A4GALT: variants seen among roughly 807,000 people sequenced by gnomAD.
A4GALT encodes alpha 1,4-galactosyltransferase (P1PK blood group), also known as lactosylceramide 4-alpha-galactosyltransferase.
For synonymous variants in A4GALT, 257 were observed against 220.7 expected (o/e 1.16, Z -1.46); for missense variants, 512 against 486.0 (o/e 1.05, Z -0.50).
intron 1 of A4GALT, among the ~76,000 whole-genome samples, chr22:42,717,528 C>G (rs28992178): frequency 0.054 from 8,184 of 152,158 alleles, 290 homozygotes; most frequent in Middle Eastern, 0.099. Context: ...CCGGGAGGAT[C>G]CTTGGGAGCA....
Position 42,692,165 on chromosome 22 carries a change from A to T in A4GALT, c.*725T>A, listed in dbSNP as rs564670668. Reference sequence around the variant, plus strand: ...TTCTATTGATTATTCTCCTGTGTTTATAATGCGGGCGGCAGGGTGGGGGTT... The same window carrying T: ...TTCTATTGATTATTCTCCTGTGTTTTTAATGCGGGCGGCAGGGTGGGGGTT... On this transcript the variant is annotated 3_prime_UTR_variant, in exon 3 of 3. Transcript: ENST00000642412. This position sits in a 1 kb window ranked among gnomAD's most constrained non-coding sequence, Gnocchi z 4.6. 491 of 174,826 alleles carry T rather than the reference A, an allele frequency of 2.8e-3. 4 individuals are homozygous for T. Among genetic ancestry groups the T allele is most frequent in the African/African-American group, 0.011 (462 of 41,998 alleles). The allele number at this position is 174,826 out of a possible 1,614,324, so 10.8% of individuals were successfully genotyped here.
rs1324727101 is a variant in A4GALT, at chr22:42,705,947, G to A, written c.-187-10316C>T. ...TGTGTGCCTGTCATCCCAGCTACTCGGGAGGCTGAGGCAGGAGAATCGCTT... is the reference window on the plus strand; with the variant it reads ...TGTGTGCCTGTCATCCCAGCTACTCAGGAGGCTGAGGCAGGAGAATCGCTT... On this transcript the variant is annotated intron_variant, in intron 1 of 2. Coordinates refer to ENST00000642412, the MANE Select transcript of A4GALT (RefSeq NM_017436.7). Among the ~76,000 whole-genome samples the A allele has an allele frequency of 1.6e-4, 19 of 120,414 alleles. 6 individuals are homozygous for A. The highest frequency in any genetic ancestry group is 3.1e-4 in the Non-Finnish European group (16 of 51,764). 79.0% of individuals were successfully genotyped at this position (120,414 alleles called of 152,430 possible).
chr22:42,694,082 A>C, intron 2 of A4GALT, 85 bp from the exon 3 acceptor site: 1 of 871,522 alleles, frequency 1.1e-6, no homozygotes, highest in Non-Finnish European at 1.8e-6. Context: ...CATCAGCCAG[A>C]GCCAAGGCTG....
rs778853590 is a variant in A4GALT, at chr22:42,692,940, G to A, written c.1012C>T (p.His338Tyr). Reference sequence around the variant, plus strand: ...TGCGTCGTGGGGCAGTAGCGGGCATGCAGCTGGGCCAGCAGTGCCCTGGAC... The same window carrying A: ...TGCGTCGTGGGGCAGTAGCGGGCATACAGCTGGGCCAGCAGTGCCCTGGAC... ...ATSRALLAQL[H>Y]ARYCPTTHEA... The change falls in exon 3 of 3, where the codon CAT becomes TAT. Residue 338 changes from histidine to tyrosine, a missense_variant. Physicochemically the swap from His to Tyr is moderately conservative, Grantham distance 83 (BLOSUM62 2). Coordinates refer to ENST00000642412, the MANE Select transcript of A4GALT (RefSeq NM_017436.7). The surrounding 1 kb of genome is among the most constrained non-coding windows in gnomAD (Gnocchi z 4.6). 1.8e-5 allele frequency: 29 copies of A among 1,610,722 alleles called. No homozygotes were observed. Among genetic ancestry groups the A allele is most frequent in the Non-Finnish European group, 2.3e-5 (27 of 1,179,946 alleles).
At chr22:42,709,731 AG>A (rs2147022663) in intron 1 of A4GALT, among the ~76,000 whole-genome samples, 1 of 152,292 alleles carries the variant, frequency 6.6e-6, no homozygotes, top group Admixed American at 6.5e-5. Flanking sequence ...GACAGGTTGC[AG>A]TGAGCCAAGA....
intron 1 of A4GALT, among the ~76,000 whole-genome samples, chr22:42,710,349 C>G (rs879558170): frequency 6.6e-6 from 1 of 152,052 alleles, no homozygotes. Flanking sequence ...GAGAAGACCC[C>G]GCTTACAACA....
Position 42,692,381 on chromosome 22 carries a change from C to G in A4GALT, c.*509G>C, listed in dbSNP as rs1930495820. Reference sequence around the variant, plus strand: ...TCTGCCCCACTCAGTCCCTGTTGACCTCCCCCACCCCCCGCGAAAGAGGAA... The same window carrying G: ...TCTGCCCCACTCAGTCCCTGTTGACGTCCCCCACCCCCCGCGAAAGAGGAA... On this transcript the variant is annotated 3_prime_UTR_variant, in exon 3 of 3. Coordinates refer to ENST00000642412, the MANE Select transcript of A4GALT (RefSeq NM_017436.7). This position sits in a 1 kb window ranked among gnomAD's most constrained non-coding sequence, Gnocchi z 4.6. The G allele has an allele frequency of 3.1e-6, 1 of 324,490 alleles. No individual in the cohort carries two copies. The highest frequency in any genetic ancestry group is 8.1e-5 in the East Asian group (1 of 12,364). 20.1% of individuals were successfully genotyped at this position (324,490 alleles called of 1,614,324 possible). A position where few individuals can be genotyped will look rare whatever the true frequency, so the allele number is the denominator to read the frequency against.
At chr22:42,719,584 A>T (rs1239015907) in intron 1 of A4GALT, among the ~76,000 whole-genome samples, 1 of 152,142 alleles carries the variant, frequency 6.6e-6, no homozygotes, top group Non-Finnish European at 1.5e-5. Context: ...AGCTATGGAA[A>T]CACAGTGTAG....
intron 1 of A4GALT, among the ~76,000 whole-genome samples, chr22:42,716,078 C>T (rs1288202989): frequency 5.3e-5 from 8 of 152,148 alleles, no homozygotes; most frequent in African/African-American, 1.9e-4. Flanking sequence ...GTGATCCGCC[C>T]GCTTCGGCCT....
Position 42,693,167 on chromosome 22 carries a change from C to T in A4GALT, c.785G>A (p.Cys262Tyr), listed in dbSNP as rs750680066. ...GCTCTCGGCCAGGCTGCGGATGGAA[C>T]ACCACTTCTTGAAGACCCGCGTGAG... ...QLLTRVFKKW[C>Y]SIRSLAESRA... Residue 262 changes from cysteine to tyrosine, a missense_variant, in exon 3 of 3, where the codon TGT becomes TAT. Cys to Tyr is a radical substitution (Grantham distance 194). Transcript: ENST00000642412. 2 of 1,597,562 alleles carry T rather than the reference C, an allele frequency of 1.3e-6. No homozygotes were observed. Among genetic ancestry groups the T allele is most frequent in the Non-Finnish European group, 1.7e-6 (2 of 1,173,282 alleles).
chr22:42,696,798 G>A (rs989410311), intron 1 of A4GALT, among the ~76,000 whole-genome samples: 7 of 151,178 alleles, frequency 4.6e-5, no homozygotes, highest in Non-Finnish European at 7.4e-5. Flanking sequence ...TTCTCTCCCC[G>A]CCACCTGTGC....
At chr22:42,696,898 C>A (rs1247506100) in intron 1 of A4GALT, among the ~76,000 whole-genome samples, 1 of 151,420 alleles carries the variant, frequency 6.6e-6, no homozygotes, top group African/African-American at 2.4e-5. Flanking sequence ...GGGTTCTTCT[C>A]TCAGATGCCC....
intron 1 of A4GALT, among the ~76,000 whole-genome samples, chr22:42,700,109 A>G (rs1931200258): frequency 6.6e-6 from 1 of 152,220 alleles, no homozygotes; most frequent in Non-Finnish European, 1.5e-5. Flanking sequence ...TCTACCCAGG[A>G]GACGGGGGCT....
At position 42,696,121 on chromosome 22, in the gene A4GALT, CA is replaced by C. The variant is rs1296048741; in HGVS notation, c.-187-491del. Among the ~76,000 whole-genome samples, 81 of 53,904 alleles carry C rather than the reference CA, an allele frequency of 1.5e-3. 1 individual carries two copies. The highest frequency in any genetic ancestry group is 4.7e-3 in the African/African-American group (52 of 11,174). The allele number at this position is 53,904 out of a possible 152,430, so 35.4% of individuals were successfully genotyped here. A position where few individuals can be genotyped will look rare whatever the true frequency, so the allele number is the denominator to read the frequency against. On this transcript the variant is annotated intron_variant, in intron 1 of 2. Coordinates refer to ENST00000642412, the MANE Select transcript of A4GALT (RefSeq NM_017436.7). ...TGGGTGACAGAGCCAGACTCTATCT[CA>C]AAAAAAAAAAAAAAAAAGCCAGGCG...
intron 1 of A4GALT, among the ~76,000 whole-genome samples, chr22:42,696,080 C>T (rs1483904772): frequency 5.5e-5 from 7 of 128,426 alleles, no homozygotes; most frequent in Admixed American, 1.7e-4. Context: ...CCAAGTTGTG[C>T]CACTGCACTC....
In A4GALT at chr22:42,702,946, A is replaced by G. The variant is rs1292224859; in HGVS notation, c.-187-7315T>C. 1.7e-5 allele frequency among the ~76,000 whole-genome samples: 2 copies of G among 115,640 alleles called. 1 individual carries two copies. The highest frequency in any genetic ancestry group is 1.2e-4 in the African/African-American group (2 of 16,632). 75.9% of individuals were successfully genotyped at this position (115,640 alleles called of 152,430 possible). A position where few individuals can be genotyped will look rare whatever the true frequency, so the allele number is the denominator to read the frequency against. On this transcript the variant is annotated intron_variant, in intron 1 of 2. Coordinates refer to ENST00000642412, the MANE Select transcript of A4GALT (RefSeq NM_017436.7). ...CCTGCTCCCCTGTTTAACTTTCAGA[A>G]AAGTAAAGGGGCCACAGTGGCACTC...
intron 1 of A4GALT, among the ~76,000 whole-genome samples, chr22:42,699,942 C>G (rs566795298): frequency 1.3e-5 from 2 of 152,326 alleles, no homozygotes; most frequent in African/African-American, 4.8e-5. Context: ...CGCCCCCGTT[C>G]TCCTGCCTCA....
At chr22:42,697,785 A>G (rs1601991035) in intron 1 of A4GALT, among the ~76,000 whole-genome samples, 1 of 150,730 alleles carries the variant, frequency 6.6e-6, no homozygotes. Flanking sequence ...GGCCTGGCAC[A>G]CCCCTGCTGC....
At chr22:42,714,274 CAAAAAAAAAAAAAA>C (rs1163088658) in intron 1 of A4GALT, among the ~76,000 whole-genome samples, 678 of 16,184 alleles carry the variant, frequency 0.042, 11 homozygotes, top group African/African-American at 0.093. Flanking sequence ...GACTCTGTCT[CAAAAAAAAAAAAAA>C]AAAAAAAAAA....
Sources: gnomAD v4.1 joint callset for allele counts (sites outside exome capture counted in the v4.1 genomes callset) on GRCh38, gnomAD v4.1.1 for gene constraint, Gnocchi (gnomAD v3.1) non-coding constraint, MANE v1.5 for transcripts, NCBI Gene and HGNC (gene_info 2026-07-23, HGNC 2026-07-21) for gene names.